The following CACNA1C variants were observed in gnomAD, a reference collection of about 807,000 sequenced individuals.
CACNA1C encodes the protein calcium voltage-gated channel subunit alpha1 C, also known as voltage-dependent L-type calcium channel subunit alpha-1C.
A neutral mutation model predicts 229.0 loss-of-function variants in CACNA1C; 30 were observed. That is an observed-to-expected ratio of 0.13 (90% CI 0.10 to 0.18). The LOEUF (loss-of-function observed/expected upper bound fraction) is 0.18. Among genes scored for constraint, CACNA1C ranks in the 10% least tolerant of loss-of-function variants. The pLI is 1.00. For missense variants in CACNA1C, 1,658 were observed against 2,845.0 expected (o/e 0.58, Z 9.49); for synonymous variants, 1,114 against 1,132.5 (o/e 0.98, Z 0.33).
At chr12:2,232,537 AGCT>A (rs761860776) in intron 3 of CACNA1C, among the ~76,000 whole-genome samples, 21 of 152,024 alleles carry the variant, frequency 1.4e-4, no homozygotes, top group Non-Finnish European at 2.8e-4. Context: ...TTCACTATAA[AGCT>A]GCTATTTCCC....
rs2096921820 is a variant in CACNA1C at position 2,678,221 on chromosome 12, T to G, written c.5091+354T>G. Among the ~76,000 whole-genome samples, 1 of 152,212 alleles carries G rather than the reference T, an allele frequency of 6.6e-6. No individual in the cohort carries two copies. Among genetic ancestry groups the G allele is most frequent in the African/African-American group, 2.4e-5 (1 of 41,460 alleles). The stretch of plus-strand genomic sequence containing the variant: ...TCTGCAGGCTTGTTTTGTTTGTTAA[T>G]ATTTGAAAATCAAGACTTCTGGCAT... On this transcript the variant is annotated intron_variant, in intron 41 of 46. Coordinates refer to ENST00000399655, the MANE Select transcript of CACNA1C (RefSeq NM_000719.7). The surrounding 1 kb of genome is among the most constrained non-coding windows in gnomAD (Gnocchi z 4.1).
chr12:2,545,539 T>C (rs1215809200), intron 9 of CACNA1C, among the ~76,000 whole-genome samples: 3 of 152,226 alleles, frequency 2.0e-5, no homozygotes, highest in Non-Finnish European at 4.4e-5. Flanking sequence ...TCTCCACTGC[T>C]TTATGACCCA....
At chr12:2,655,929 T>C (rs1206245973) in intron 34 of CACNA1C, among the ~76,000 whole-genome samples, 1 of 152,162 alleles carries the variant, frequency 6.6e-6, no homozygotes, top group African/African-American at 2.4e-5. Context: ...AAATTAGGCA[T>C]AGAAGGATGG....
intron 3 of CACNA1C, among the ~76,000 whole-genome samples, chr12:2,353,434 C>G (rs1317100104): frequency 6.6e-6 from 1 of 152,238 alleles, no homozygotes; most frequent in Non-Finnish European, 1.5e-5. Flanking sequence ...GAAGACTGTC[C>G]TAACAGGCGG....
chr12:2,012,612 G>A (rs1041004175), intron 1 of CACNA1C, among the ~76,000 whole-genome samples: 8 of 152,242 alleles, frequency 5.3e-5, no homozygotes, highest in Non-Finnish European at 8.8e-5. Flanking sequence ...ATACACAATA[G>A]ATTGGAAGCC....
chr12:2,014,274 CT>C (rs34029133), intron 1 of CACNA1C, among the ~76,000 whole-genome samples: 86,672 of 149,444 alleles, frequency 0.58, 25,619 homozygotes, highest in African/African-American at 0.73. Context: ...AAATAGGCAT[CT>C]TTTTTTTTTT....
intron 7 of CACNA1C, among the ~76,000 whole-genome samples, chr12:2,500,587 C>A (rs995096735): frequency 6.6e-6 from 1 of 152,156 alleles, no homozygotes; most frequent in Non-Finnish European, 1.5e-5. Flanking sequence ...GTGGTGAGCA[C>A]GTCGTGGCCT....
At chr12:1,993,666 GTTGT>G (rs1187171548) in intron 1 of CACNA1C, among the ~76,000 whole-genome samples, 1 of 145,348 alleles carries the variant, frequency 6.9e-6, no homozygotes, top group East Asian at 2.0e-4. Context: ...GTATACAGAT[GTTGT>G]TTATTTCTTA....
intron 3 of CACNA1C, among the ~76,000 whole-genome samples, chr12:2,227,720 C>T (rs2063443786): frequency 1.3e-5 from 2 of 152,164 alleles, no homozygotes; most frequent in African/African-American, 2.4e-5. Flanking sequence ...CTATATTTTA[C>T]TGATTCTACT....
chr12:2,619,923 C>G (rs57888716), intron 29 of CACNA1C, among the ~76,000 whole-genome samples: 3,755 of 152,214 alleles, frequency 0.025, 90 homozygotes, highest in African/African-American at 0.054. Context: ...GTAGCATCCC[C>G]AGTTCACCCT....
chr12:2,445,460 G>A (rs1371293080), intron 3 of CACNA1C, among the ~76,000 whole-genome samples: 1 of 152,172 alleles, frequency 6.6e-6, no homozygotes, highest in Non-Finnish European at 1.5e-5. Context: ...GGTGGGACAG[G>A]TCCCTCTGGG....
chr12:2,682,359 A>C (rs2097190132), intron 42 of CACNA1C, among the ~76,000 whole-genome samples, 191 bp from the exon 43 acceptor site: 2 of 152,146 alleles, frequency 1.3e-5, no homozygotes, highest in South Asian at 4.1e-4. Context: ...TAATCTGAAC[A>C]CTTCTATGGA....
chr12:2,171,796 A>G (rs2096492252), intron 3 of CACNA1C, among the ~76,000 whole-genome samples: 2 of 152,194 alleles, frequency 1.3e-5, no homozygotes, highest in South Asian at 4.1e-4. Context: ...GGAGAGGGGC[A>G]TGCGACTATC....
At chr12:2,187,702 G>C (rs2097085971) in intron 3 of CACNA1C, among the ~76,000 whole-genome samples, 1 of 152,240 alleles carries the variant, frequency 6.6e-6, no homozygotes, top group Non-Finnish European at 1.5e-5. Flanking sequence ...GAAGCAGGGT[G>C]GTCCCCACAG....
chr12:2,491,060 C>T (rs2099725016), intron 6 of CACNA1C, among the ~76,000 whole-genome samples: 2 of 152,174 alleles, frequency 1.3e-5, no homozygotes, highest in Non-Finnish European at 2.9e-5. Context: ...AGGAACAGAG[C>T]CTACTGATAT....
rs958884942 is a variant in CACNA1C, at chr12:2,679,437, C to T, written c.5092-7C>T. On this transcript the variant is annotated splice_polypyrimidine_tract_variant and splice_region_variant and intron_variant, in intron 41 of 46. Transcript: ENST00000399655. The surrounding 1 kb of genome is among the most constrained non-coding windows in gnomAD (Gnocchi z 5.5). ...CTTCTCCACCCACCCCTCCTTCTTGCCTACAGAGGGCCGGTGGCCTGTTCG... is the reference window on the plus strand; with the variant it reads ...CTTCTCCACCCACCCCTCCTTCTTGTCTACAGAGGGCCGGTGGCCTGTTCG... 6.5e-7 allele frequency: 1 copy of T among 1,530,132 alleles called. No individual in the cohort carries two copies. Among genetic ancestry groups the T allele is most frequent in the African/African-American group, 1.4e-5 (1 of 73,192 alleles). The allele number at this position is 1,530,132 out of a possible 1,614,324, so 94.8% of individuals were successfully genotyped here.
At chr12:2,436,207 G>A (rs916533561) in intron 3 of CACNA1C, among the ~76,000 whole-genome samples, 1 of 152,212 alleles carries the variant, frequency 6.6e-6, no homozygotes, top group Non-Finnish European at 1.5e-5. Context: ...AGTTAGGGAA[G>A]TGGCATGTTC....
rs2099705665 is a variant in CACNA1C at position 2,488,526 on chromosome 12, C to T, written c.916+2264C>T. On this transcript the variant is annotated intron_variant, in intron 6 of 46. Transcript: ENST00000399655. The surrounding 1 kb of genome is among the most constrained non-coding windows in gnomAD (Gnocchi z 4.0). ...ATGGCCAATTTAGGATCACATTGTC[C>T]ACCCTTGATAGTAAACAGGACCAGG... Among the ~76,000 whole-genome samples the T allele has an allele frequency of 6.6e-6, 1 of 152,200 alleles. No individual in the cohort carries two copies. Among genetic ancestry groups the T allele is most frequent in the African/African-American group, 2.4e-5 (1 of 41,456 alleles).
chr12:2,055,748 T>C (rs74060141), intron 1 of CACNA1C, among the ~76,000 whole-genome samples: 2,455 of 152,316 alleles, frequency 0.016, 61 homozygotes, highest in African/African-American at 0.055. Context: ...ATATAATTCA[T>C]GGGAGCAGTT....
Sources: allele counts gnomAD v4.1 joint callset (sites outside exome capture counted in the v4.1 genomes callset), GRCh38; gene constraint gnomAD v4.1.1; non-coding constraint Gnocchi (gnomAD v3.1); transcripts MANE v1.5; gene names NCBI Gene and HGNC (gene_info 2026-07-23, HGNC 2026-07-21).